Variants in STPG2 observed in about 807,000 individuals in gnomAD.
The protein encoded by STPG2 is sperm tail PG-rich repeat containing 2, also known as sperm-tail PG-rich repeat-containing protein 2.
A neutral mutation model predicts 54.2 loss-of-function variants in STPG2; 56 were observed. The observed-to-expected ratio is 1.03, with a 90% CI of 0.83 to 1.29. STPG2 has a LOEUF of 1.29. Among genes scored for constraint, STPG2 ranks in the 50% most tolerant of loss-of-function variants. STPG2 has a pLI of 0.00. For missense variants in STPG2, 596 were observed against 544.9 expected (o/e 1.09, Z -0.93); for synonymous variants, 200 against 181.8 (o/e 1.10, Z -0.81).
chr4:97,635,838 C>A (rs866242542), intron 10 of STPG2, among the ~76,000 whole-genome samples: 10,114 of 149,998 alleles, frequency 0.067, 1,006 homozygotes, highest in African/African-American at 0.22. Context: ...CAGATTCATA[C>A]GGCAAGTCCT....
At chr4:97,645,369 A>C (rs1253133992) in intron 10 of STPG2, among the ~76,000 whole-genome samples, 2 of 151,956 alleles carry the variant, frequency 1.3e-5, no homozygotes, top group African/African-American at 4.8e-5. Context: ...GGTGTTCCTC[A>C]GATAAAGGAC....
intron 8 of STPG2, among the ~76,000 whole-genome samples, chr4:97,933,138 A>G (rs1732614027): frequency 6.6e-6 from 1 of 151,128 alleles, no homozygotes; most frequent in Non-Finnish European, 1.5e-5. Flanking sequence ...GCTTTTTTTC[A>G]TTTGTTTATT....
At chr4:97,864,929 A>G (rs1729707330) in intron 8 of STPG2, among the ~76,000 whole-genome samples, 1 of 152,194 alleles carries the variant, frequency 6.6e-6, no homozygotes, top group South Asian at 2.1e-4. Context: ...TACACCTTAT[A>G]CAAAAATTCA....
intron 5 of STPG2, among the ~76,000 whole-genome samples, chr4:98,000,008 A>G (rs749762925): frequency 6.6e-6 from 1 of 152,202 alleles, no homozygotes; most frequent in Non-Finnish European, 1.5e-5. Context: ...TCTCAGTATT[A>G]TATCCATTTT....
At chr4:97,754,958 T>C (rs774867255) in intron 9 of STPG2, among the ~76,000 whole-genome samples, 18 of 152,186 alleles carry the variant, frequency 1.2e-4, no homozygotes, top group Non-Finnish European at 1.0e-4. Flanking sequence ...ATAATTTTGC[T>C]GACCACAGTT....
chr4:97,715,576 T>A (rs1200279197), intron 9 of STPG2, among the ~76,000 whole-genome samples: 1 of 152,130 alleles, frequency 6.6e-6, no homozygotes, highest in African/African-American at 2.4e-5. Context: ...AAAAAAAAAC[T>A]TCTATAAATA....
chr4:97,975,510 A>AT (rs1199439248), intron 6 of STPG2, among the ~76,000 whole-genome samples: 2 of 152,110 alleles, frequency 1.3e-5, no homozygotes, highest in African/African-American at 2.4e-5. Flanking sequence ...AGGTTCATAT[A>AT]TTTTTCATTT....
intron 4 of STPG2, among the ~76,000 whole-genome samples, chr4:97,501,695 CA>C (rs1048132380): frequency 7.8e-4 from 103 of 131,930 alleles, no homozygotes; most frequent in South Asian, 9.6e-4. Context: ...GACCCTGTCT[CA>C]AAAAAAAAAA....
chr4:97,676,493 A>G (rs1722851033), intron 10 of STPG2, among the ~76,000 whole-genome samples: 1 of 151,602 alleles, frequency 6.6e-6, no homozygotes, highest in African/African-American at 2.4e-5. Context: ...TGTGATACAC[A>G]ACTATTTTTA....
chr4:97,740,565 A>G (rs928888418), intron 9 of STPG2, among the ~76,000 whole-genome samples: 3 of 152,248 alleles, frequency 2.0e-5, no homozygotes, highest in Admixed American at 6.5e-5. Context: ...TTATACACCA[A>G]TAACAGACAA....
At chr4:97,967,366 A>G (rs1318108293) in intron 7 of STPG2, among the ~76,000 whole-genome samples, 1 of 152,118 alleles carries the variant, frequency 6.6e-6, no homozygotes, top group Admixed American at 6.6e-5. Flanking sequence ...TTCATAAAGC[A>G]AGTCCTTAGA....
intron 8 of STPG2, among the ~76,000 whole-genome samples, chr4:97,871,991 A>T: frequency 6.6e-6 from 1 of 151,222 alleles, no homozygotes; most frequent in East Asian, 1.9e-4. Context: ...ATTTAAGATT[A>T]TGAAATTGAT....
At position 98,019,779 on chromosome 4, in the gene STPG2, A is replaced by G. The variant is rs1404801223; in HGVS notation, c.613-38461T>C. Reference sequence around the variant, plus strand: ...TAGGTATTTTATTCTCTTTGAAGCAATTGTGAATGGGAGTTCACTCATGAT... The same window carrying G: ...TAGGTATTTTATTCTCTTTGAAGCAGTTGTGAATGGGAGTTCACTCATGAT... On this transcript the variant is annotated intron_variant, in intron 5 of 10. Coordinates refer to ENST00000295268, the MANE Select transcript of STPG2 (RefSeq NM_174952.3). Among the ~76,000 whole-genome samples the G allele has an allele frequency of 4.2e-5, 5 of 120,410 alleles. 2 individuals carry two copies. The highest frequency in any genetic ancestry group is 1.7e-4 in the African/African-American group (5 of 30,214). 79.0% of individuals were successfully genotyped at this position (120,410 alleles called of 152,430 possible).
At chr4:98,034,483 T>C (rs976406169) in intron 5 of STPG2, among the ~76,000 whole-genome samples, 1 of 152,200 alleles carries the variant, frequency 6.6e-6, no homozygotes, top group African/African-American at 2.4e-5. Flanking sequence ...TCCATGCTCA[T>C]GGATAGGAAG....
intron 9 of STPG2, among the ~76,000 whole-genome samples, chr4:97,805,238 A>G (rs1727518342): frequency 2.0e-5 from 3 of 152,120 alleles, no homozygotes; most frequent in Admixed American, 2.0e-4. Flanking sequence ...ATGGAGTCTC[A>G]CTATGTTGCT....
intron 8 of STPG2, among the ~76,000 whole-genome samples, chr4:97,863,446 CAAT>C (rs1444229321): frequency 6.6e-6 from 1 of 152,088 alleles, no homozygotes; most frequent in Non-Finnish European, 1.5e-5. Context: ...GAAATTGATG[CAAT>C]AATTAATAGC....
At position 98,143,156 on chromosome 4, in the gene STPG2, TC is replaced by T. The variant is rs1297141373; in HGVS notation, c.-7del. 1.2e-6 allele frequency: 2 copies of T among 1,610,352 alleles called. No homozygotes were observed. The highest frequency in any genetic ancestry group is 1.7e-5 in the Admixed American group (1 of 59,826). On this transcript the variant is annotated 5_prime_UTR_variant, in exon 1 of 11. Coordinates refer to ENST00000295268, the MANE Select transcript of STPG2 (RefSeq NM_174952.3). ...CGGGGAGCCCGATCATACATAGTGCTCGGGGTGGTGGGGGCGCTGGGGAAGG... is the reference window on the plus strand; with the variant it reads ...CGGGGAGCCCGATCATACATAGTGCTGGGGTGGTGGGGGCGCTGGGGAAGG...
At chr4:98,022,180 G>A (rs1252150121) in intron 5 of STPG2, among the ~76,000 whole-genome samples, 1 of 152,118 alleles carries the variant, frequency 6.6e-6, no homozygotes, top group African/African-American at 2.4e-5. Flanking sequence ...CATGTTTAGT[G>A]CTTCCTTCAG....
intron 8 of STPG2, among the ~76,000 whole-genome samples, chr4:97,860,443 C>G (rs943680192): frequency 3.3e-5 from 5 of 151,374 alleles, no homozygotes; most frequent in African/African-American, 7.3e-5. Context: ...GGTCTTTCAC[C>G]TCCTTGGTCA....
Sources: gnomAD v4.1 joint callset for allele counts (sites outside exome capture counted in the v4.1 genomes callset) on GRCh38, gnomAD v4.1.1 for gene constraint, MANE v1.5 for transcripts, NCBI Gene and HGNC (gene_info 2026-07-23, HGNC 2026-07-21) for gene names.